PBX3: variants seen among roughly 807,000 people sequenced by gnomAD.
PBX3 encodes the protein PBX homeobox 3.
A neutral mutation model predicts 48.5 loss-of-function variants in PBX3; 14 were observed. The observed-to-expected ratio is 0.29, with a 90% CI of 0.19 to 0.45. PBX3 has a LOEUF of 0.45. Among genes scored for constraint, PBX3 ranks in the 20% least tolerant of loss-of-function variants. PBX3 has a pLI of 1.00. For synonymous variants in PBX3, 210 were observed against 200.3 expected, an observed-to-expected ratio of 1.05 and a Z score of -0.41; for missense variants, 386 against 546.7, an observed-to-expected ratio of 0.71 and a Z score of 2.93.
intron 2 of PBX3, among the ~76,000 whole-genome samples, chr9:125,871,411 GGT>G (rs1478568849): frequency 6.6e-6 from 1 of 151,140 alleles, no homozygotes; most frequent in Non-Finnish European, 1.5e-5. Flanking sequence ...AAAAAACCCA[GGT>G]GTTCATGAAT....
intron 2 of PBX3, among the ~76,000 whole-genome samples, chr9:125,806,402 C>T (rs772914655): frequency 6.6e-6 from 1 of 152,106 alleles, no homozygotes; most frequent in Non-Finnish European, 1.5e-5. Flanking sequence ...TTTCACAGTT[C>T]TGGAGGATGG....
chr9:125,887,189 T>C (rs1341935822), intron 2 of PBX3, among the ~76,000 whole-genome samples: 1 of 152,190 alleles, frequency 6.6e-6, no homozygotes, highest in Non-Finnish European at 1.5e-5. Flanking sequence ...TTCTTTATAA[T>C]ATAAATATAT....
chr9:125,953,713 G>T (rs1842241186), intron 5 of PBX3, among the ~76,000 whole-genome samples: 1 of 152,146 alleles, frequency 6.6e-6, no homozygotes. Context: ...AGCTACAAAA[G>T]GTCACTGTGA....
At chr9:125,851,901 G>T (rs1214178678) in intron 2 of PBX3, among the ~76,000 whole-genome samples, 4 of 138,012 alleles carry the variant, frequency 2.9e-5, no homozygotes, top group African/African-American at 8.3e-5. Context: ...CAAAGAGGCA[G>T]CTCCATTTTA....
At chr9:125,863,825 T>C (rs1839919437) in intron 2 of PBX3, among the ~76,000 whole-genome samples, 1 of 152,240 alleles carries the variant, frequency 6.6e-6, no homozygotes, top group Non-Finnish European at 1.5e-5. Context: ...CTTCTCTTTT[T>C]ACTAATCATA....
At chr9:125,754,122 G>A (rs996376409) in intron 2 of PBX3, among the ~76,000 whole-genome samples, 7 of 152,036 alleles carry the variant, frequency 4.6e-5, no homozygotes, top group African/African-American at 1.7e-4. Flanking sequence ...AACACATCAA[G>A]TTATATAAGG....
chr9:125,790,783 T>TCTTGAACTTCTGGC (rs1165591727), intron 2 of PBX3, among the ~76,000 whole-genome samples: 1 of 152,086 alleles, frequency 6.6e-6, no homozygotes, highest in Admixed American at 6.5e-5. Flanking sequence ...CCCGGACTGG[T>TCTTGAACTTCTGGC]CTTGAACTTC....
intron 2 of PBX3, among the ~76,000 whole-genome samples, chr9:125,835,785 T>C (rs1340295885): frequency 2.0e-5 from 3 of 152,138 alleles, no homozygotes; most frequent in South Asian, 4.1e-4. Flanking sequence ...TGGAAAACAG[T>C]ATGGAGCTTC....
intron 2 of PBX3, among the ~76,000 whole-genome samples, chr9:125,764,818 CTA>C (rs200101917): frequency 0.011 from 1,684 of 152,110 alleles, 19 homozygotes; most frequent in South Asian, 0.018. Flanking sequence ...TTTTAGAACT[CTA>C]TGTATTGGGA....
intron 2 of PBX3, among the ~76,000 whole-genome samples, chr9:125,780,091 G>T (rs1446360388): frequency 2.1e-5 from 3 of 141,544 alleles, no homozygotes; most frequent in African/African-American, 7.9e-5. Flanking sequence ...CTCCCGGACG[G>T]GGCGGCTGGC....
At chr9:125,920,573 A>G (rs1841436387) in intron 3 of PBX3, among the ~76,000 whole-genome samples, 1 of 152,254 alleles carries the variant, frequency 6.6e-6, no homozygotes. Flanking sequence ...GCCAGAAGAA[A>G]TGCGTGTACA....
At chr9:125,786,116 G>A (rs566503533) in intron 2 of PBX3, among the ~76,000 whole-genome samples, 2 of 152,136 alleles carry the variant, frequency 1.3e-5, no homozygotes, top group Non-Finnish European at 2.9e-5. Context: ...TCCCAAAAGG[G>A]GGAAATTAGT....
chr9:125,784,316 A>C (rs760229260), intron 2 of PBX3, among the ~76,000 whole-genome samples: 3 of 152,016 alleles, frequency 2.0e-5, no homozygotes, highest in Admixed American at 6.6e-5. Context: ...TTTAGTACAG[A>C]CGGGGTTTCG....
chr9:125,889,419 C>T (rs1840581617), intron 2 of PBX3, among the ~76,000 whole-genome samples: 1 of 152,236 alleles, frequency 6.6e-6, no homozygotes. Context: ...TGTTAGAAAT[C>T]TCGTTCCTAA....
intron 2 of PBX3, among the ~76,000 whole-genome samples, chr9:125,809,025 C>A (rs1372372226): frequency 6.6e-6 from 1 of 152,198 alleles, no homozygotes; most frequent in Non-Finnish European, 1.5e-5. Flanking sequence ...ACAGCACTTA[C>A]CGCTGTTCTT....
chr9:125,851,502 T>C (rs557801646), intron 2 of PBX3, among the ~76,000 whole-genome samples: 1 of 152,126 alleles, frequency 6.6e-6, no homozygotes, highest in South Asian at 2.1e-4. Context: ...AGATATTTTA[T>C]AGAAGCATCT....
At chr9:125,748,337 A>G in intron 1 of PBX3, 15 of 1,251,918 alleles carry the variant, frequency 1.2e-5, no homozygotes, top group Non-Finnish European at 1.4e-5. Context: ...TGCCGGGCAG[A>G]TGGGTCCGCC....
At chr9:125,849,009 T>A (rs12686732) in intron 2 of PBX3, among the ~76,000 whole-genome samples, 9,038 of 151,994 alleles carry the variant, frequency 0.059, 620 homozygotes, top group East Asian at 0.18. Flanking sequence ...GATATACCTT[T>A]TCTTATTTAA....
intron 5 of PBX3, among the ~76,000 whole-genome samples, chr9:125,936,468 C>T (rs1438777091): frequency 6.6e-6 from 1 of 152,124 alleles, no homozygotes; most frequent in East Asian, 1.9e-4. Flanking sequence ...TGACGCTTGT[C>T]AAAAATTTCA....
Sources: allele counts gnomAD v4.1 joint callset (sites outside exome capture counted in the v4.1 genomes callset), GRCh38; gene constraint gnomAD v4.1.1; transcripts MANE v1.5; gene names NCBI Gene and HGNC (gene_info 2026-07-23, HGNC 2026-07-21).